Variants in CD276 observed in about 807,000 individuals in gnomAD.
CD276 encodes the protein CD276 antigen.
CD276 carries 34 observed loss-of-function variants against 50.0 expected under a neutral mutation model. The observed-to-expected ratio is 0.68, with a 90% CI of 0.52 to 0.91. The LOEUF is 0.91. Among genes scored for constraint, CD276 ranks in the 40% least tolerant of loss-of-function variants. The probability of loss-of-function intolerance (pLI) is 0.00; values close to 1 mark genes in which losing one functional copy is unlikely to be tolerated. For synonymous variants in CD276, 275 were observed against 313.0 expected, an observed-to-expected ratio of 0.88 and a Z score of 1.28; for missense variants, 634 against 717.5, an observed-to-expected ratio of 0.88 and a Z score of 1.33.
chr15:73,684,884 C>G (rs763745563), intron 1 of CD276: 5 of 152,490 alleles, frequency 3.3e-5, no homozygotes, highest in East Asian at 1.9e-4. Flanking sequence ...ACGAAGCCAC[C>G]GGCCGGCGCT....
Position 73,702,894 on chromosome 15 carries a change from G to A in CD276, c.541G>A (p.Gly181Arg). ...TGAGGCTGAGGTGTTCTGGCAGGATGGGCAGGGTGTGCCCCTGACTGGCAA... is the reference window on the plus strand; with the variant it reads ...TGAGGCTGAGGTGTTCTGGCAGGATAGGCAGGGTGTGCCCCTGACTGGCAA... ...YPEAEVFWQD[G>R]QGVPLTGNVT... Residue 181 changes from glycine (G) to arginine (R), a missense_variant, in exon 4 of 10, where the codon GGG becomes AGG. Transcript: ENST00000318443. The A allele has an allele frequency of 1.2e-6, 2 of 1,614,098 alleles. No individual in the cohort carries two copies. Among genetic ancestry groups the A allele is most frequent in the Non-Finnish European group, 1.7e-6 (2 of 1,180,038 alleles).
chr15:73,690,908 C>T (rs1210105115), intron 1 of CD276: 7 of 393,870 alleles, frequency 1.8e-5, no homozygotes, highest in African/African-American at 1.3e-4. Context: ...GGAGGAGCTG[C>T]GATCTTATCA....
rs563714554 is a variant in CD276 at position 73,687,233 on chromosome 15, G to C, written c.-55+2773G>C. ...GTTTTCAGGTTTGGGAGTGGGTAGG[G>C]TTGTGCTGGAGGCTAAATAGACATT... On this transcript the variant is annotated intron_variant, in intron 1 of 9. Transcript: ENST00000318443. The surrounding 1 kb of genome is among the most constrained non-coding windows in gnomAD (Gnocchi z 4.0). 6.6e-6 allele frequency among the ~76,000 whole-genome samples: 1 copy of C among 152,140 alleles called. No individual in the cohort carries two copies. Among genetic ancestry groups the C allele is most frequent in the Non-Finnish European group, 1.5e-5 (1 of 68,040 alleles).
At position 73,698,342 on chromosome 15, in the gene CD276, A is replaced by T. The variant is rs1417746944; in HGVS notation, c.-54-1244A>T. On this transcript the variant is annotated intron_variant, in intron 1 of 9. Coordinates refer to ENST00000318443, the MANE Select transcript of CD276 (RefSeq NM_001024736.2). ...AGAAGCTTCTTTGCAAATACTGCTGATTTCACACAAGCTATACTGAACCCT... is the reference window on the plus strand; with the variant it reads ...AGAAGCTTCTTTGCAAATACTGCTGTTTTCACACAAGCTATACTGAACCCT... Among the ~76,000 whole-genome samples, 4 of 152,138 alleles carry T rather than the reference A, an allele frequency of 2.6e-5. No individual in the cohort carries two copies. In the East Asian group the frequency reaches 7.7e-4, roughly 29 times the overall value.
intron 6 of CD276, among the ~76,000 whole-genome samples, chr15:73,705,891 G>C (rs1291030889): frequency 6.6e-6 from 1 of 152,174 alleles, no homozygotes; most frequent in Non-Finnish European, 1.5e-5. Context: ...CAAAGAGAAT[G>C]TTTATCTCAC....
At chr15:73,711,367 C>A in intron 9 of CD276, 197 bp downstream of exon 9, 1 of 597,198 alleles carries the variant, frequency 1.7e-6, no homozygotes, top group Non-Finnish European at 3.0e-6. Flanking sequence ...GACCCAAATA[C>A]GACAGAGGCT....
chr15:73,704,517 C>T lies in CD276; in HGVS notation c.1369+45C>T. On this transcript the variant is annotated intron_variant, in intron 6 of 9. Coordinates refer to ENST00000318443, the MANE Select transcript of CD276 (RefSeq NM_001024736.2). The surrounding 1 kb of genome is among the most constrained non-coding windows in gnomAD (Gnocchi z 4.1). Reference sequence around the variant, plus strand: ...TGGGGAAGGACGGAGCGAGTAACTCCCTCTTTACTGGACCCTAACGTGGAA... The same window carrying T: ...TGGGGAAGGACGGAGCGAGTAACTCTCTCTTTACTGGACCCTAACGTGGAA... 1.9e-6 allele frequency: 3 copies of T among 1,572,622 alleles called. No individual in the cohort carries two copies. The highest frequency in any genetic ancestry group is 2.3e-5 in the South Asian group (2 of 87,456).
At position 73,703,918 on chromosome 15, in the gene CD276, T is replaced by C. The variant is rs768724461; in HGVS notation, c.993T>C (p.Arg331=). 3 of 1,613,412 alleles carry C rather than the reference T, an allele frequency of 1.9e-6. No homozygotes were observed. Among genetic ancestry groups the C allele is most frequent in the South Asian group, 2.2e-5 (2 of 91,070 alleles). ...GNASLRLQRV[R]VADEGSFTCF... Reference sequence around the variant, plus strand: ...CATCCCTGAGGCTGCAGCGCGTGCGTGTGGCGGACGAGGGCAGCTTCACCT... The same window carrying C: ...CATCCCTGAGGCTGCAGCGCGTGCGCGTGGCGGACGAGGGCAGCTTCACCT... The change falls in exon 5 of 10, where the codon CGT becomes CGC. Residue 331 remains arginine, a synonymous_variant. Coordinates refer to ENST00000318443, the MANE Select transcript of CD276 (RefSeq NM_001024736.2).
chr15:73,709,804 T>A lies in CD276; in HGVS notation c.1546+115T>A, dbSNP rs1900820579. 2.9e-6 allele frequency: 3 copies of A among 1,046,724 alleles called. No individual in the cohort carries two copies. The East Asian group carries it at 7.7e-5, about 27-fold the overall frequency. The allele number at this position is 1,046,724 out of a possible 1,614,324, so 64.8% of individuals were successfully genotyped here. The stretch of plus-strand genomic sequence containing the variant: ...TGCTGTAAGGTTTGAATGAAATGTG[T>A]TCTGTGGACTCAGACCTCCCCACCC... On this transcript the variant is annotated intron_variant, in intron 8 of 9. Transcript: ENST00000318443.
upstream of CD276, chr15:73,684,041 G>C (rs1194032674): frequency 6.6e-6 from 1 of 152,350 alleles, no homozygotes; most frequent in Non-Finnish European, 1.5e-5. Context: ...TTCCAGCCCT[G>C]TTCTGCCGCC....
chr15:73,704,458 C>G lies in CD276; in HGVS notation c.1355C>G (p.Ser452Cys), dbSNP rs1229669312. ...NPVLQQDAHG[S>C]VTITGQPMTF... ...GTGCTGCAGCAGGATGCGCACGGCT[C>G]TGTCACCATCACAGGTAAGGGCAGA... The change falls in exon 6 of 10, where the codon TCT (serine) becomes TGT (cysteine). Residue 452 changes from serine (S) to cysteine (C), a missense_variant. Physicochemically the swap from Ser to Cys is moderately radical, Grantham distance 112 (BLOSUM62 -1). Transcript: ENST00000318443. The surrounding 1 kb of genome is among the most constrained non-coding windows in gnomAD (Gnocchi z 4.1). The G allele has an allele frequency of 2.3e-5, 37 of 1,613,176 alleles. No individual in the cohort carries two copies. Among genetic ancestry groups the G allele is most frequent in the Non-Finnish European group, 3.1e-5 (37 of 1,179,646 alleles).
At chr15:73,701,148 G>A (rs530684710) in intron 2 of CD276, among the ~76,000 whole-genome samples, 28 of 151,428 alleles carry the variant, frequency 1.8e-4, no homozygotes, top group East Asian at 1.4e-3. Flanking sequence ...CACCTGCCTC[G>A]GCCTCCCATG....
rs1020175441 is a variant in CD276, at chr15:73,704,279, T to C, written c.1176T>C (p.Ala392=). 1.7e-5 allele frequency: 27 copies of C among 1,613,964 alleles called. No individual in the cohort carries two copies. Among genetic ancestry groups the C allele is most frequent in the Non-Finnish European group, 2.1e-5 (25 of 1,180,034 alleles). The change falls in exon 6 of 10, where the codon GCT becomes GCC. Residue 392 remains alanine (A), a synonymous_variant. Coordinates refer to ENST00000318443, the MANE Select transcript of CD276 (RefSeq NM_001024736.2). This position sits in a 1 kb window ranked among gnomAD's most constrained non-coding sequence, Gnocchi z 4.1. ...CCAGCTACCGGGGCTACCCTGAGGC[T>C]GAGGTGTTCTGGCAGGATGGGCAGG... The part of the protein sequence containing the change: ...TCSSYRGYPE[A]EVFWQDGQGV...
At chr15:73,696,841 C>G (rs757072678) in intron 1 of CD276, among the ~76,000 whole-genome samples, 1 of 152,064 alleles carries the variant, frequency 6.6e-6, no homozygotes, top group Admixed American at 6.5e-5. Context: ...TGTCTTAGGT[C>G]CTAAGAGAAG....
At position 73,703,833 on chromosome 15, in the gene CD276, A is replaced by AG. The variant is rs747724156; in HGVS notation, c.911dup (p.Ser305GlnfsTer87). On this transcript the variant is annotated frameshift_variant, in exon 5 of 10. Coordinates refer to ENST00000318443, the MANE Select transcript of CD276 (RefSeq NM_001024736.2). LOFTEE classifies it high-confidence loss of function. The stretch of plus-strand genomic sequence containing the variant: ...CACAGTTTCACCGAAGGCCGGGACC[A>AG]GGGCAGCGCCTATGCCAACCGCACG... 113 of 1,613,514 alleles carry AG rather than the reference A, an allele frequency of 7.0e-5. No individual in the cohort carries two copies. The highest frequency in any genetic ancestry group is 8.6e-5 in the Non-Finnish European group (102 of 1,180,026).
rs1157758334 is a variant in CD276 at position 73,687,485 on chromosome 15, G to T, written c.-55+3025G>T. ...CTGGAGCCCGGTAAGATGTGCCAAGGGTCTCCTTAGTAAGTCAGGGAAGAC... is the reference window on the plus strand; with the variant it reads ...CTGGAGCCCGGTAAGATGTGCCAAGTGTCTCCTTAGTAAGTCAGGGAAGAC... On this transcript the variant is annotated intron_variant, in intron 1 of 9. Transcript: ENST00000318443. The surrounding 1 kb of genome is among the most constrained non-coding windows in gnomAD (Gnocchi z 4.0). 6.6e-6 allele frequency among the ~76,000 whole-genome samples: 1 copy of T among 152,138 alleles called. No homozygotes were observed. The highest frequency in any genetic ancestry group is 2.4e-5 in the African/African-American group (1 of 41,438).
At chr15:73,707,125 A>T (rs1900678737) in intron 6 of CD276, among the ~76,000 whole-genome samples, 1 of 152,216 alleles carries the variant, frequency 6.6e-6, no homozygotes, top group African/African-American at 2.4e-5. Flanking sequence ...ACATCTGCAG[A>T]TCCATGCACG....
At position 73,703,640 on chromosome 15, in the gene CD276, C is replaced by T. The variant is rs1596015065; in HGVS notation, c.734-19C>T. 12 of 1,589,784 alleles carry T rather than the reference C, an allele frequency of 7.5e-6. No homozygotes were observed. The highest frequency in any genetic ancestry group is 1.0e-5 in the Non-Finnish European group (12 of 1,167,040). ...TCCCATTTCTCCTCACCACCCTGCC[C>T]CTCTGACCCCGCCCCCAGGAGCCGT... On this transcript the variant is annotated intron_variant, in intron 4 of 9. Coordinates refer to ENST00000318443, the MANE Select transcript of CD276 (RefSeq NM_001024736.2).
chr15:73,704,062 C>T lies in CD276; in HGVS notation c.1072+65C>T. The T allele has an allele frequency of 6.4e-7, 1 of 1,567,100 alleles. No homozygotes were observed. The highest frequency in any genetic ancestry group is 1.3e-5 in the African/African-American group (1 of 74,130). ...CTCCATTCCCTCTGCAGCCCACCCT[C>T]TGCTGCACCACTGCTCCCAGAACCC... On this transcript the variant is annotated intron_variant, in intron 5 of 9. Coordinates refer to ENST00000318443, the MANE Select transcript of CD276 (RefSeq NM_001024736.2). This position sits in a 1 kb window ranked among gnomAD's most constrained non-coding sequence, Gnocchi z 4.1.
Sources: gnomAD v4.1 joint callset for allele counts (sites outside exome capture counted in the v4.1 genomes callset) on GRCh38, gnomAD v4.1.1 for gene constraint, Gnocchi (gnomAD v3.1) non-coding constraint, MANE v1.5 for transcripts, NCBI Gene and HGNC (gene_info 2026-07-23, HGNC 2026-07-21) for gene names.